Variants in CRTAC1 observed in about 807,000 individuals in gnomAD.
CRTAC1 encodes acidic secreted protein in cartilage.
CRTAC1 carries 37 observed loss-of-function variants against 67.8 expected under a neutral mutation model. The observed-to-expected ratio is 0.55, with a 90% CI of 0.42 to 0.72. The LOEUF (loss-of-function observed/expected upper bound fraction) is 0.72, where lower values mean the gene tolerates loss of function less well. CRTAC1 is among the 30% of genes least tolerant of loss of function. The probability of loss-of-function intolerance (pLI) is 0.00; values close to 1 mark genes in which losing one functional copy is unlikely to be tolerated. For synonymous variants in CRTAC1, 348 were observed against 371.0 expected (o/e 0.94, Z 0.71); for missense variants, 780 against 931.6 (o/e 0.84, Z 2.12).
chr10:98,010,576 A>G (rs11591797), intron 2 of CRTAC1, among the ~76,000 whole-genome samples: 35,504 of 152,028 alleles, frequency 0.23, 4,763 homozygotes, highest in South Asian at 0.36. Context: ...TTGCAACCCA[A>G]TGTTGGTTTT....
intron 2 of CRTAC1, among the ~76,000 whole-genome samples, chr10:97,981,445 A>G (rs1367768663): frequency 6.6e-6 from 1 of 152,190 alleles, no homozygotes; most frequent in South Asian, 2.1e-4. Flanking sequence ...ATATTTCTCC[A>G]TGTCCTTAAA....
chr10:97,882,209 G>T (rs2050224694), intron 13 of CRTAC1, among the ~76,000 whole-genome samples: 2 of 152,150 alleles, frequency 1.3e-5, no homozygotes, highest in Non-Finnish European at 2.9e-5. Context: ...GGGGGTGAAG[G>T]TCTCCTGGAC....
intron 13 of CRTAC1, 92 bp downstream of exon 13, chr10:97,882,694 C>T (rs1232911859): frequency 1.4e-6 from 2 of 1,410,474 alleles, no homozygotes; most frequent in Non-Finnish European, 2.0e-6. Flanking sequence ...CTGCCCCTTG[C>T]TTGCACCCTG....
intron 2 of CRTAC1, among the ~76,000 whole-genome samples, chr10:97,993,136 T>C (rs951277051): frequency 6.6e-6 from 1 of 152,190 alleles, no homozygotes; most frequent in African/African-American, 2.4e-5. Context: ...TCTCCTGTCT[T>C]GGTGTTAGGA....
At chr10:97,915,243 T>C (rs1313072121) in intron 5 of CRTAC1, among the ~76,000 whole-genome samples, 2 of 152,194 alleles carry the variant, frequency 1.3e-5, no homozygotes, top group Non-Finnish European at 2.9e-5. Flanking sequence ...TTGGAGGTCA[T>C]CGGAAAGGTC....
At chr10:97,904,547 G>A (rs1398790373) in intron 7 of CRTAC1, 122 bp downstream of exon 7, 1 of 884,442 alleles carries the variant, frequency 1.1e-6, no homozygotes, top group Non-Finnish European at 1.6e-6. Flanking sequence ...AGCTACCGGA[G>A]TAGCTGGGAT....
intron 8 of CRTAC1, among the ~76,000 whole-genome samples, chr10:97,899,557 G>A (rs1264169578): frequency 2.0e-5 from 3 of 152,238 alleles, no homozygotes. Flanking sequence ...GGAAAGCAGT[G>A]TCTCTGTTAA....
chr10:97,983,347 A>G (rs1429372971), intron 2 of CRTAC1, among the ~76,000 whole-genome samples: 2 of 151,992 alleles, frequency 1.3e-5, no homozygotes, highest in African/African-American at 4.9e-5. Context: ...CCAAGGTCAG[A>G]CAGACAGTTA....
chr10:98,017,356 G>A (rs1457641295), intron 1 of CRTAC1, among the ~76,000 whole-genome samples: 2 of 152,130 alleles, frequency 1.3e-5, no homozygotes, highest in Non-Finnish European at 2.9e-5. Flanking sequence ...CCCAGACAAG[G>A]CGAAGCTAAA....
At chr10:98,009,216 T>A (rs1316745023) in intron 2 of CRTAC1, among the ~76,000 whole-genome samples, 2 of 152,242 alleles carry the variant, frequency 1.3e-5, no homozygotes, top group African/African-American at 2.4e-5. Context: ...CTATTTTTAA[T>A]TAAAATAAAA....
chr10:97,876,704 C>T (rs4396211), intron 14 of CRTAC1, among the ~76,000 whole-genome samples: 2 of 152,088 alleles, frequency 1.3e-5, no homozygotes, highest in African/African-American at 2.4e-5. Context: ...CTAGGTGGGG[C>T]TAAGGGACAG....
At chr10:97,951,234 A>G (rs1590233171) in intron 2 of CRTAC1, among the ~76,000 whole-genome samples, 3 of 152,252 alleles carry the variant, frequency 2.0e-5, no homozygotes, top group Admixed American at 2.0e-4. Context: ...CAAGACAACA[A>G]AATCCTTCTA....
At chr10:97,983,138 G>T (rs915290654) in intron 2 of CRTAC1, among the ~76,000 whole-genome samples, 2 of 152,206 alleles carry the variant, frequency 1.3e-5, no homozygotes, top group Non-Finnish European at 2.9e-5. Context: ...CAATGGTGAT[G>T]CCCACTACAG....
intron 2 of CRTAC1, among the ~76,000 whole-genome samples, chr10:97,959,961 C>T (rs2136641136): frequency 6.6e-6 from 1 of 152,336 alleles, no homozygotes; most frequent in South Asian, 2.1e-4. Context: ...ACTCAGTGCC[C>T]AGGGTTTTTA....
intron 2 of CRTAC1, among the ~76,000 whole-genome samples, chr10:97,946,410 G>A (rs2051264377): frequency 6.6e-6 from 1 of 152,096 alleles, no homozygotes; most frequent in Non-Finnish European, 1.5e-5. Context: ...TTCAACTATG[G>A]CAGCATTCCC....
At chr10:98,013,852 G>C (rs969812202) in intron 1 of CRTAC1, among the ~76,000 whole-genome samples, 1 of 152,254 alleles carries the variant, frequency 6.6e-6, no homozygotes, top group Non-Finnish European at 1.5e-5. Flanking sequence ...CAAGGCCAGA[G>C]AGGAGCAAGC....
intron 1 of CRTAC1, among the ~76,000 whole-genome samples, chr10:98,023,914 A>T (rs7913395): frequency 0.06 from 9,190 of 152,266 alleles, 934 homozygotes; most frequent in African/African-American, 0.2. Flanking sequence ...TGTGAAAAAC[A>T]CCAACCAAGG....
chr10:97,940,474 C>T (rs922174401), intron 2 of CRTAC1, among the ~76,000 whole-genome samples: 1 of 152,250 alleles, frequency 6.6e-6, no homozygotes, highest in African/African-American at 2.4e-5. Context: ...GCAGCTATGG[C>T]TTCCTAAAGG....
intron 2 of CRTAC1, among the ~76,000 whole-genome samples, chr10:97,985,603 C>CG (rs2051967736): frequency 6.6e-6 from 1 of 152,110 alleles, no homozygotes; most frequent in South Asian, 2.1e-4. Context: ...GTGGATGAGC[C>CG]GGGGCATGCA....
Sources: allele counts gnomAD v4.1 joint callset (sites outside exome capture counted in the v4.1 genomes callset), GRCh38; gene constraint gnomAD v4.1.1; transcripts MANE v1.5; gene names NCBI Gene and HGNC (gene_info 2026-07-23, HGNC 2026-07-21).